The following ALG11 variants were observed in gnomAD, a reference collection of about 807,000 sequenced individuals.
ALG11 encodes the protein GDP-Man:Man(3)GlcNAc(2)-PP-Dol alpha-1,2-mannosyltransferase.
ALG11 carries 26 observed loss-of-function variants against 38.8 expected under a neutral mutation model. The observed-to-expected ratio is 0.67, with a 90% CI of 0.49 to 0.93. The LOEUF (loss-of-function observed/expected upper bound fraction) is 0.93. Among genes scored for constraint, ALG11 ranks in the 40% least tolerant of loss-of-function variants. The pLI is 0.00. For synonymous variants in ALG11, 199 were observed against 211.6 expected, an observed-to-expected ratio of 0.94 and a Z score of 0.52; for missense variants, 535 against 578.8, an observed-to-expected ratio of 0.92 and a Z score of 0.78.
chr13:52,024,711 TAAG>T lies in ALG11; in HGVS notation c.986_988del (p.Lys329del), dbSNP rs1064794465. The T allele has an allele frequency of 6.2e-7, 1 of 1,614,220 alleles. No individual in the cohort carries two copies. The highest frequency in any genetic ancestry group is 1.3e-5 in the African/African-American group (1 of 75,070). ...TCAGAGCCTTTGCTAAATTGCTGAA[TAAG>T]AAGATGGTTGAGTCACCTCCTTCGC... is the stretch of plus-strand genomic sequence containing the variant. On this transcript the variant is annotated inframe_deletion, in exon 3 of 4. Coordinates refer to ENST00000521508, the MANE Select transcript of ALG11 (RefSeq NM_001004127.3).
chr13:52,018,259 A>ACAGT (rs767852027), intron 1 of ALG11, among the ~76,000 whole-genome samples: 78 of 152,204 alleles, frequency 5.1e-4, no homozygotes, highest in Non-Finnish European at 8.7e-4. Context: ...GAACCTTTTA[A>ACAGT]CAGTCACTTT....
Position 52,030,493 on chromosome 13 carries a change from G to GA in ALG11, c.*1904dup. On this transcript the variant is annotated 3_prime_UTR_variant, in exon 4 of 4. Coordinates refer to ENST00000521508, the MANE Select transcript of ALG11 (RefSeq NM_001004127.3). Reference sequence around the variant, plus strand: ...AACTGATCAACCTACAGAACTTCCTGACCACACAGTCTCCTTCCGTGAGGT... The same window carrying GA: ...AACTGATCAACCTACAGAACTTCCTGAACCACACAGTCTCCTTCCGTGAGGT... 1 of 1,614,218 alleles carries GA rather than the reference G, an allele frequency of 6.2e-7. No individual in the cohort carries two copies. The highest frequency in any genetic ancestry group is 8.5e-7 in the Non-Finnish European group (1 of 1,180,036).
intron 3 of ALG11, among the ~76,000 whole-genome samples, chr13:52,027,146 CAA>C (rs966133543): frequency 1.3e-5 from 2 of 152,008 alleles, no homozygotes; most frequent in Non-Finnish European, 2.9e-5. Flanking sequence ...GAAGTAGAAG[CAA>C]AAGTCAGACT....
rs1954295646 is a variant in ALG11, at chr13:52,030,805, T to C, written c.*2215T>C. 1.2e-6 allele frequency: 2 copies of C among 1,614,170 alleles called. No individual in the cohort carries two copies. Among genetic ancestry groups the C allele is most frequent in the Non-Finnish European group, 1.7e-6 (2 of 1,180,040 alleles). On this transcript the variant is annotated 3_prime_UTR_variant, in exon 4 of 4. Coordinates refer to ENST00000521508, the MANE Select transcript of ALG11 (RefSeq NM_001004127.3). ...AAGATAAGAATTTGCCAAATGTGAT[T>C]ATCAGTGAGAAGCGCAACATCCACG...
chr13:52,028,639 C>G lies in ALG11; in HGVS notation c.*49C>G. 6.4e-7 allele frequency: 1 copy of G among 1,572,002 alleles called. No homozygotes were observed. The highest frequency in any genetic ancestry group is 8.7e-7 in the Non-Finnish European group (1 of 1,147,528). On this transcript the variant is annotated 3_prime_UTR_variant, in exon 4 of 4. Coordinates refer to ENST00000521508, the MANE Select transcript of ALG11 (RefSeq NM_001004127.3). ...TATTTTATATAAACTGGTTAAACAC[C>G]TTCATATGTAAATATTTTTCTAAAT...
At chr13:52,027,356 G>A (rs897551447) in intron 3 of ALG11, among the ~76,000 whole-genome samples, 7 of 152,114 alleles carry the variant, frequency 4.6e-5, no homozygotes, top group Admixed American at 4.6e-4. Flanking sequence ...CAGTAGAGAG[G>A]GAAAGGGTAA....
At chr13:52,025,101 A>G (rs932448199) in intron 3 of ALG11, among the ~76,000 whole-genome samples, 164 bp downstream of exon 3, 2 of 152,224 alleles carry the variant, frequency 1.3e-5, no homozygotes, top group Admixed American at 1.3e-4. Context: ...ATAGTAGTTA[A>G]TAATAGCAGC....
Position 52,016,275 on chromosome 13 carries a change from A to G in ALG11, c.45-2638A>G, listed in dbSNP as rs1954133581. ...CATTTTAAAAGCGGAACAGAGCATA[A>G]AAGTTCAGAAAATTTGCAGCCTGAC... is the stretch of plus-strand genomic sequence containing the variant. On this transcript the variant is annotated intron_variant, in intron 1 of 3. Coordinates refer to ENST00000521508, the MANE Select transcript of ALG11 (RefSeq NM_001004127.3). The G allele has an allele frequency of 2.0e-5, 3 of 152,218 alleles. No homozygotes were observed. In the South Asian group the frequency reaches 6.2e-4, roughly 31 times the overall value. The allele number at this position is 152,218 out of a possible 1,614,324, so 9.4% of individuals were successfully genotyped here. A position where few individuals can be genotyped will look rare whatever the true frequency, so the allele number is the denominator to read the frequency against.
At position 52,030,722 on chromosome 13, in the gene ALG11, C is replaced by G. The variant is rs1169704263; in HGVS notation, c.*2132C>G. 6.2e-7 allele frequency: 1 copy of G among 1,614,150 alleles called. No individual in the cohort carries two copies. On this transcript the variant is annotated 3_prime_UTR_variant, in exon 4 of 4. Transcript: ENST00000521508. Reference sequence around the variant, plus strand: ...CGAGTGGGGTGGTGTGGGCCTAAAGCCCAGTGCCAAGAAAAGACGCCAGTT... The same window carrying G: ...CGAGTGGGGTGGTGTGGGCCTAAAGGCCAGTGCCAAGAAAAGACGCCAGTT...
chr13:52,025,889 T>G (rs1403666399), intron 3 of ALG11, among the ~76,000 whole-genome samples: 1 of 152,246 alleles, frequency 6.6e-6, no homozygotes, highest in African/African-American at 2.4e-5. Flanking sequence ...GCCCAGACAT[T>G]AAGCAAGAAC....
Position 52,030,189 on chromosome 13 carries a change from C to G in ALG11, c.*1599C>G. The G allele has an allele frequency of 6.2e-7, 1 of 1,614,180 alleles. No individual in the cohort carries two copies. On this transcript the variant is annotated 3_prime_UTR_variant, in exon 4 of 4. Transcript: ENST00000521508. ...GTGCTGTCCGAATTGAGGGCACTAT[C>G]TCAGAAATTGAAGGAAAAACATCAG... is the stretch of plus-strand genomic sequence containing the variant.
In ALG11 at chr13:52,029,842, G is replaced by T; in HGVS notation, c.*1252G>T. 2 of 1,614,206 alleles carry T rather than the reference G, an allele frequency of 1.2e-6. No homozygotes were observed. The highest frequency in any genetic ancestry group is 1.7e-6 in the Non-Finnish European group (2 of 1,180,030). Reference sequence around the variant, plus strand: ...TAGCCTCTGAGAGTGAGGAAGAGGAGGGAGGCACAGAAGTGGAAGAACTCC... The same window carrying T: ...TAGCCTCTGAGAGTGAGGAAGAGGATGGAGGCACAGAAGTGGAAGAACTCC... On this transcript the variant is annotated 3_prime_UTR_variant, in exon 4 of 4. Coordinates refer to ENST00000521508, the MANE Select transcript of ALG11 (RefSeq NM_001004127.3).
intron 3 of ALG11, among the ~76,000 whole-genome samples, chr13:52,027,236 T>C (rs1333394444): frequency 6.6e-6 from 1 of 152,018 alleles, no homozygotes; most frequent in East Asian, 1.9e-4. Flanking sequence ...TTCAGTAAGT[T>C]TATCTGTGAA....
chr13:52,012,467 G>A lies in ALG11; in HGVS notation c.44+5G>A, dbSNP rs758638513. 1 of 1,613,992 alleles carries A rather than the reference G, an allele frequency of 6.2e-7. No individual in the cohort carries two copies. The highest frequency in any genetic ancestry group is 1.3e-5 in the African/African-American group (1 of 74,940). On this transcript the variant is annotated splice_donor_5th_base_variant and intron_variant, in intron 1 of 3. Coordinates refer to ENST00000521508, the MANE Select transcript of ALG11 (RefSeq NM_001004127.3). The stretch of plus-strand genomic sequence containing the variant: ...GTGCCTGTGCAAGTTGTTGAGGTGA[G>A]CAGCCGGTCGTGTGGGCTCACAGAC...
At position 52,024,209 on chromosome 13, in the gene ALG11, G is replaced by T. The variant is rs757377924; in HGVS notation, c.479G>T (p.Gly160Val). The T allele has an allele frequency of 1.4e-5, 23 of 1,613,872 alleles. No homozygotes were observed. Among genetic ancestry groups the T allele is most frequent in the Non-Finnish European group, 1.8e-5 (21 of 1,180,004 alleles). The change falls in exon 3 of 4, where the codon GGC (glycine) becomes GTC (valine). Residue 160 changes from glycine to valine, a missense_variant. Coordinates refer to ENST00000521508, the MANE Select transcript of ALG11 (RefSeq NM_001004127.3). ...CAAAGTCTAGGATCCATTTTTCTTGGCTGGGAAGCTCTAATGCAGTGTGTT... is the reference window on the plus strand; with the variant it reads ...CAAAGTCTAGGATCCATTTTTCTTGTCTGGGAAGCTCTAATGCAGTGTGTT... The part of the protein sequence containing the change: ...LGQSLGSIFL[G>V]WEALMQCVPD...
rs373889076 is a variant in ALG11 at position 52,012,404 on chromosome 13, G to C, written c.-15G>C. On this transcript the variant is annotated 5_prime_UTR_variant, in exon 1 of 4. Transcript: ENST00000521508. ...GGAAAGTGAAGCGTTTCCTGAGTTC[G>C]GGGGTCGGCGGAAGATGGCGGCCGG... 11 of 1,614,156 alleles carry C rather than the reference G, an allele frequency of 6.8e-6. No homozygotes were observed. Among genetic ancestry groups the C allele is most frequent in the Non-Finnish European group, 9.3e-6 (11 of 1,180,044 alleles).
chr13:52,033,263 G>A lies in ALG11; in HGVS notation c.*4673G>A, dbSNP rs1397838848. The A allele has an allele frequency of 6.0e-6, 1 of 166,984 alleles. No homozygotes were observed. The highest frequency in any genetic ancestry group is 1.5e-5 in the Non-Finnish European group (1 of 68,114). 10.3% of individuals were successfully genotyped at this position (166,984 alleles called of 1,614,324 possible). ...TCCTCTCAGATGTCATTTTTGAGTG[G>A]TCCAAGCCTGCTGTTTTGAACCCAC... On this transcript the variant is annotated 3_prime_UTR_variant, in exon 4 of 4. Coordinates refer to ENST00000521508, the MANE Select transcript of ALG11 (RefSeq NM_001004127.3).
rs1349288845 is a variant in ALG11 at position 52,029,804 on chromosome 13, C to G, written c.*1214C>G. Reference sequence around the variant, plus strand: ...GTTGGCCAAGAACAAAGAACTGACACAGAAACTCCAGGTAGCCTCTGAGAG... The same window carrying G: ...GTTGGCCAAGAACAAAGAACTGACAGAGAAACTCCAGGTAGCCTCTGAGAG... On this transcript the variant is annotated 3_prime_UTR_variant, in exon 4 of 4. Transcript: ENST00000521508. 17 of 1,614,058 alleles carry G rather than the reference C, an allele frequency of 1.1e-5. No individual in the cohort carries two copies. The highest frequency in any genetic ancestry group is 1.4e-5 in the Non-Finnish European group (16 of 1,180,046).
At chr13:52,019,772 C>T (rs1171137029) in intron 2 of ALG11, among the ~76,000 whole-genome samples, 1 of 152,072 alleles carries the variant, frequency 6.6e-6, no homozygotes, top group Non-Finnish European at 1.5e-5. Context: ...GAAACCCTGT[C>T]TCTACAAAAA....
Sources: allele counts gnomAD v4.1 joint callset (sites outside exome capture counted in the v4.1 genomes callset), GRCh38; gene constraint gnomAD v4.1.1; transcripts MANE v1.5; gene names NCBI Gene and HGNC (gene_info 2026-07-23, HGNC 2026-07-21).